TTK: variants seen among roughly 807,000 people sequenced by gnomAD.
TTK encodes dual specificity protein kinase TTK.
Under a neutral mutation model 117.3 loss-of-function variants are expected in TTK, and 59 were observed. The ratio of observed to expected loss-of-function variants is 0.50; its 90% CI spans 0.41 to 0.62. TTK has a LOEUF of 0.62. Among genes scored for constraint, TTK ranks in the 20% least tolerant of loss-of-function variants. The pLI, the probability that TTK is intolerant of heterozygous loss-of-function variation, is 0.00. For synonymous variants in TTK, 302 were observed against 325.0 expected (o/e 0.93, Z 0.76); for missense variants, 921 against 989.4 (o/e 0.93, Z 0.93).
intron 11 of TTK, among the ~76,000 whole-genome samples, 170 bp downstream of exon 11, chr6:80,022,642 C>T (rs1412629082): frequency 6.6e-6 from 1 of 152,182 alleles, no homozygotes; most frequent in Admixed American, 6.5e-5. Context: ...AGCAGTCATA[C>T]GTTCAGTAAG....
chr6:80,015,400 T>C lies in TTK; in HGVS notation c.1108+814T>C, dbSNP rs151333944. ...TAAAGATATTTAAACAGATCATTAA[T>C]AGGATGATCATTGTCCAGATAGAGG... On this transcript the variant is annotated intron_variant, in intron 10 of 21. Coordinates refer to ENST00000369798, the MANE Select transcript of TTK (RefSeq NM_003318.5). Among the ~76,000 whole-genome samples, 53 of 152,286 alleles carry C rather than the reference T, an allele frequency of 3.5e-4. No individual in the cohort carries two copies. In the East Asian group the frequency reaches 9.6e-3, roughly 28 times the overall value.
Position 80,031,836 on chromosome 6 carries a change from G to A in TTK, c.1614+277G>A, listed in dbSNP as rs116918486. Among the ~76,000 whole-genome samples, 26 of 152,186 alleles carry A rather than the reference G, an allele frequency of 1.7e-4. No individual in the cohort carries two copies. In the East Asian group the frequency reaches 3.3e-3, roughly 19 times the overall value. Reference sequence around the variant, plus strand: ...AACAAAAACATTGACATGGGGTAGCGAATGACCACTATGTATTATCACAAA... The same window carrying A: ...AACAAAAACATTGACATGGGGTAGCAAATGACCACTATGTATTATCACAAA... On this transcript the variant is annotated intron_variant, in intron 14 of 21. Coordinates refer to ENST00000369798, the MANE Select transcript of TTK (RefSeq NM_003318.5).
chr6:80,036,049 G>A (rs989840348), intron 16 of TTK, among the ~76,000 whole-genome samples: 11 of 152,018 alleles, frequency 7.2e-5, no homozygotes, highest in African/African-American at 2.7e-4. Context: ...GGAGCATTAG[G>A]GTCTTACTGT....
chr6:80,008,685 T>C (rs1014652494), intron 4 of TTK, among the ~76,000 whole-genome samples, 193 bp downstream of exon 4: 1 of 152,124 alleles, frequency 6.6e-6, no homozygotes, highest in African/African-American at 2.4e-5. Context: ...CTTTTCCATG[T>C]ATAAAGAGTA....
In TTK at chr6:80,042,316, G is replaced by T; in HGVS notation, c.*114G>T. 1.3e-6 allele frequency: 1 copy of T among 786,272 alleles called. No homozygotes were observed. The allele number at this position is 786,272 out of a possible 1,614,324, so 48.7% of individuals were successfully genotyped here. A position where few individuals can be genotyped will look rare whatever the true frequency, so the allele number is the denominator to read the frequency against. ...ACAACATCACTCTGAAGTGTTATCA[G>T]CAAAAAAAATTCAGTAGATTATCTT... On this transcript the variant is annotated 3_prime_UTR_variant, in exon 22 of 22. Coordinates refer to ENST00000369798, the MANE Select transcript of TTK (RefSeq NM_003318.5).
rs1487949180 is a variant in TTK at position 80,007,894 on chromosome 6, C to T, written c.225C>T (p.Asn75=). Residue 75 remains asparagine, a synonymous_variant, in exon 3 of 22, where the codon AAC becomes AAT. Coordinates refer to ENST00000369798, the MANE Select transcript of TTK (RefSeq NM_003318.5). ...WLSLLLKLEK[N]SVPLSDALLN... is the part of the protein sequence containing the mutation. ...GTTTGTTGCTCAAACTAGAGAAAAA[C>T]AGTGTTCCGCTAAGTGATGCTCTTT... 2 of 1,613,356 alleles carry T rather than the reference C, an allele frequency of 1.2e-6. No individual in the cohort carries two copies. The highest frequency in any genetic ancestry group is 1.1e-5 in the South Asian group (1 of 91,066).
intron 11 of TTK, among the ~76,000 whole-genome samples, chr6:80,023,989 C>T (rs897411062): frequency 1.3e-5 from 2 of 152,008 alleles, no homozygotes; most frequent in African/African-American, 4.8e-5. Flanking sequence ...GAAAATTGTA[C>T]ACTAATAGGA....
chr6:80,010,496 CT>C (rs1483691648), intron 4 of TTK, among the ~76,000 whole-genome samples: 1 of 150,454 alleles, frequency 6.6e-6, no homozygotes, highest in African/African-American at 2.4e-5. Flanking sequence ...TTGCTGTCCC[CT>C]GTTGGTAACT....
At chr6:80,011,579 C>T (rs749755632) in intron 6 of TTK, 31 bp downstream of exon 6, 3 of 1,573,580 alleles carry the variant, frequency 1.9e-6, no homozygotes, top group African/African-American at 2.7e-5. Context: ...TTTAAATGTT[C>T]ATCTTCTATG....
intron 8 of TTK, among the ~76,000 whole-genome samples, chr6:80,012,203 G>GA (rs1224911734): frequency 6.6e-6 from 1 of 151,874 alleles, no homozygotes; most frequent in Non-Finnish European, 1.5e-5. Context: ...GCTTTAAAAG[G>GA]AAAAAATATT....
In TTK at chr6:80,011,968, G is replaced by T; in HGVS notation, c.884G>T (p.Cys295Phe). Residue 295 changes from cysteine to phenylalanine, a missense_variant, in exon 8 of 22, where the codon TGT (cysteine) becomes TTT (phenylalanine). Transcript: ENST00000369798. The stretch of plus-strand genomic sequence containing the variant: ...AAGACAGATGATTCAGTTGTACCTT[G>T]TTTTATGAAAAGGTATGTTGAGTTT... Reference protein sequence around the residue: ...DVKTDDSVVPCFMKRQTSRSE... With the variant: ...DVKTDDSVVPFFMKRQTSRSE... The T allele has an allele frequency of 6.8e-6, 11 of 1,607,840 alleles. No homozygotes were observed. Among genetic ancestry groups the T allele is most frequent in the Non-Finnish European group, 9.3e-6 (11 of 1,178,044 alleles).
intron 18 of TTK, among the ~76,000 whole-genome samples, chr6:80,038,308 C>T (rs535406148): frequency 8.5e-5 from 13 of 152,246 alleles, no homozygotes; most frequent in South Asian, 2.1e-4. Context: ...GACTTTATCT[C>T]GCTACCTCGA....
chr6:80,018,819 G>A (rs1304486492), intron 10 of TTK, among the ~76,000 whole-genome samples: 1 of 152,030 alleles, frequency 6.6e-6, no homozygotes, highest in Non-Finnish European at 1.5e-5. Context: ...GATCATTACT[G>A]TAGAGTTTTG....
intron 10 of TTK, among the ~76,000 whole-genome samples, chr6:80,019,165 G>A (rs189375085): frequency 3.9e-5 from 6 of 152,260 alleles, no homozygotes; most frequent in East Asian, 1.9e-4. Context: ...TTGTTGAGGC[G>A]TTTTGTTTAT....
At position 80,008,051 on chromosome 6, in the gene TTK, C is replaced by T; in HGVS notation, c.362+20C>T. On this transcript the variant is annotated intron_variant, in intron 3 of 21. Coordinates refer to ENST00000369798, the MANE Select transcript of TTK (RefSeq NM_003318.5). The stretch of plus-strand genomic sequence containing the variant: ...AAAAGCGTAAGTATTAGCATTTTAA[C>T]TATGTTCAACTATGTTACATAATAT... 6.2e-6 allele frequency: 10 copies of T among 1,604,436 alleles called. No homozygotes were observed. The highest frequency in any genetic ancestry group is 1.7e-4 in the Middle Eastern group (1 of 5,974).
At chr6:80,013,477 A>G (rs968262866) in intron 9 of TTK, 111 bp downstream of exon 9, 14 of 844,418 alleles carry the variant, frequency 1.7e-5, no homozygotes, top group Non-Finnish European at 2.1e-5. Flanking sequence ...TGTATCTCCA[A>G]CAGTGTTCCA....
chr6:80,023,940 G>T (rs1251579269), intron 11 of TTK, among the ~76,000 whole-genome samples: 1 of 152,196 alleles, frequency 6.6e-6, no homozygotes, highest in Non-Finnish European at 1.5e-5. Flanking sequence ...TTGAGTCATA[G>T]ATTGTATCAA....
chr6:80,013,834 A>C (rs972582154), intron 9 of TTK, among the ~76,000 whole-genome samples: 4 of 152,172 alleles, frequency 2.6e-5, no homozygotes, highest in Admixed American at 2.6e-4. Flanking sequence ...ACTTAAAGGA[A>C]ATAATTTTAG....
chr6:80,014,300 C>G (rs146208043), intron 9 of TTK, among the ~76,000 whole-genome samples, 163 bp from the exon 10 acceptor site: 45 of 152,166 alleles, frequency 3.0e-4, no homozygotes, highest in African/African-American at 1.1e-3. Context: ...ATTAATAATT[C>G]AGGCAGTTAA....
Sources: gnomAD v4.1 joint callset for allele counts (sites outside exome capture counted in the v4.1 genomes callset) on GRCh38, gnomAD v4.1.1 for gene constraint, MANE v1.5 for transcripts, NCBI Gene and HGNC (gene_info 2026-07-23, HGNC 2026-07-21) for gene names.